The following KCNIP4 variants were observed in gnomAD, a reference collection of about 807,000 sequenced individuals.
KCNIP4 encodes the protein Kv channel-interacting protein 4.
Under a neutral mutation model 34.0 loss-of-function variants are expected in KCNIP4, and 12 were observed. That is an observed-to-expected ratio of 0.35 (90% confidence interval 0.23 to 0.57). The LOEUF is 0.57. Among genes scored for constraint, KCNIP4 ranks in the 20% least tolerant of loss-of-function variants. The pLI is 0.83. For synonymous variants in KCNIP4, 124 were observed against 102.2 expected, an observed-to-expected ratio of 1.21 and a Z score of -1.29; for missense variants, 238 against 311.7, an observed-to-expected ratio of 0.76 and a Z score of 1.78.
chr4:21,560,331 A>G (rs1310626103), intron 1 of KCNIP4, among the ~76,000 whole-genome samples: 1 of 151,848 alleles, frequency 6.6e-6, no homozygotes, highest in Non-Finnish European at 1.5e-5. Context: ...AAGGCCTTTG[A>G]AGCAAATGGA....
chr4:21,319,173 G>T (rs902869415), intron 1 of KCNIP4, among the ~76,000 whole-genome samples: 2 of 152,162 alleles, frequency 1.3e-5, no homozygotes, highest in African/African-American at 2.4e-5. Context: ...TAAATCTAAA[G>T]GGAGCCAAGA....
At chr4:21,567,354 T>A (rs1298409844) in intron 1 of KCNIP4, among the ~76,000 whole-genome samples, 1 of 152,064 alleles carries the variant, frequency 6.6e-6, no homozygotes, top group Non-Finnish European at 1.5e-5. Flanking sequence ...GGCTGATGTA[T>A]CTGAGGACCT....
intron 1 of KCNIP4, among the ~76,000 whole-genome samples, chr4:21,537,012 A>G (rs1737232574): frequency 6.6e-6 from 1 of 152,160 alleles, no homozygotes; most frequent in Non-Finnish European, 1.5e-5. Flanking sequence ...CCAGTGGCAG[A>G]AAACAACTAT....
chr4:20,734,723 C>T lies in KCNIP4; in HGVS notation c.442G>A (p.Gly148Ser). The T allele has an allele frequency of 6.4e-7, 1 of 1,560,888 alleles. No homozygotes were observed. The highest frequency in any genetic ancestry group is 8.7e-7 in the Non-Finnish European group (1 of 1,153,776). ...GAVSFEDFIK[G>S]LSILLRGTVQ... ...GTCCCCCGGAGCAAAATGGAAAGAC[C>T]TTTGATGAAATCCTGAAAAGAAATA... is the stretch of plus-strand genomic sequence containing the variant. The change falls in exon 6 of 9, where the codon GGT becomes AGT. Residue 148 changes from glycine (G) to serine (S), a missense_variant. Coordinates refer to ENST00000382152, the MANE Select transcript of KCNIP4 (RefSeq NM_025221.6).
intron 1 of KCNIP4, among the ~76,000 whole-genome samples, chr4:21,674,198 A>G (rs1039153264): frequency 1.1e-4 from 17 of 152,164 alleles, no homozygotes; most frequent in Non-Finnish European, 2.2e-4. Flanking sequence ...TTTTTCTTAG[A>G]GTAATAACCA....
chr4:21,633,079 C>T (rs373152561), intron 1 of KCNIP4, among the ~76,000 whole-genome samples: 5 of 152,132 alleles, frequency 3.3e-5, no homozygotes, highest in African/African-American at 1.2e-4. Flanking sequence ...CAAATTTATA[C>T]CTATCTACTC....
At chr4:20,803,815 T>C (rs990813905) in intron 3 of KCNIP4, among the ~76,000 whole-genome samples, 2 of 151,844 alleles carry the variant, frequency 1.3e-5, no homozygotes, top group Non-Finnish European at 2.9e-5. Flanking sequence ...ATCGAGAATA[T>C]ATTTTTGAAA....
At chr4:21,549,289 G>A (rs1269550453) in intron 1 of KCNIP4, among the ~76,000 whole-genome samples, 1 of 151,914 alleles carries the variant, frequency 6.6e-6, no homozygotes, top group Non-Finnish European at 1.5e-5. Context: ...TTGGATGCTT[G>A]TCCCCTCCAA....
At chr4:21,107,456 A>G (rs1748673349) in intron 1 of KCNIP4, among the ~76,000 whole-genome samples, 2 of 150,954 alleles carry the variant, frequency 1.3e-5, no homozygotes, top group Admixed American at 1.3e-4. Context: ...TGCTCGGTAG[A>G]TTTTCCTCCA....
At chr4:21,674,259 G>A (rs144505642) in intron 1 of KCNIP4, among the ~76,000 whole-genome samples, 1 of 152,270 alleles carries the variant, frequency 6.6e-6, no homozygotes, top group African/African-American at 2.4e-5. Flanking sequence ...GATCAGGCAA[G>A]ATTGTGGTGT....
chr4:21,710,009 G>T (rs1306735731), intron 1 of KCNIP4, among the ~76,000 whole-genome samples: 5 of 152,116 alleles, frequency 3.3e-5, no homozygotes, highest in African/African-American at 9.7e-5. Flanking sequence ...TGGATAGGAG[G>T]GCCCACATTG....
intron 3 of KCNIP4, 78 bp downstream of exon 3, chr4:20,850,465 A>G (rs1720889101): frequency 6.8e-7 from 1 of 1,471,722 alleles, no homozygotes; most frequent in Non-Finnish European, 9.4e-7. Context: ...AGAATGGGAT[A>G]TTTTCCCCCT....
rs114135318 is a variant in KCNIP4 at position 21,330,164 on chromosome 4, C to T, written c.62-447455G>A. ...GCAGTAGTGTTCAAAAGCAAGTCTA[C>T]TTTTTCAAAAGTAATCATAATTGCA... On this transcript the variant is annotated intron_variant, in intron 1 of 8. Coordinates refer to ENST00000382152, the MANE Select transcript of KCNIP4 (RefSeq NM_025221.6). Among the ~76,000 whole-genome samples the T allele has an allele frequency of 3.0e-3, 462 of 152,212 alleles. 5 individuals are homozygous for T. The highest frequency in any genetic ancestry group is 0.011 in the African/African-American group (440 of 41,544).
rs1051729667 is a variant in KCNIP4, at chr4:21,015,385, A to G, written c.62-132676T>C. ...TTTTTTTCTTCTCACAATTCCTTAT[A>G]ACTAATATTGGTTATATATATAACC... is the stretch of plus-strand genomic sequence containing the variant. On this transcript the variant is annotated intron_variant, in intron 1 of 8. Transcript: ENST00000382152. Among the ~76,000 whole-genome samples, 6 of 141,714 alleles carry G rather than the reference A, an allele frequency of 4.2e-5. No homozygotes were observed. The South Asian group carries it at 1.3e-3, about 32-fold the overall frequency. 93.0% of individuals were successfully genotyped at this position (141,714 alleles called of 152,430 possible).
rs189058272 is a variant in KCNIP4, at chr4:21,653,747, A to T, written c.61+294824T>A. 2.0e-5 allele frequency among the ~76,000 whole-genome samples: 3 copies of T among 152,328 alleles called. No homozygotes were observed. In the East Asian group the frequency reaches 5.8e-4, roughly 29 times the overall value. On this transcript the variant is annotated intron_variant, in intron 1 of 8. Transcript: ENST00000382152. The stretch of plus-strand genomic sequence containing the variant: ...ACAACATTCAAAGATCGTAGGAAGT[A>T]TTATTATAAGCACAGTAAAGGATTA...
chr4:20,995,386 A>G (rs1294889717), intron 1 of KCNIP4, among the ~76,000 whole-genome samples: 1 of 152,218 alleles, frequency 6.6e-6, no homozygotes, highest in Admixed American at 6.5e-5. Flanking sequence ...TGCAGGCACA[A>G]AGCAAACACT....
chr4:21,420,903 A>AT (rs1251234655), intron 1 of KCNIP4, among the ~76,000 whole-genome samples: 4 of 152,214 alleles, frequency 2.6e-5, no homozygotes, highest in African/African-American at 9.6e-5. Context: ...ATAAGGGGTT[A>AT]ATATCACAAA....
intron 2 of KCNIP4, among the ~76,000 whole-genome samples, chr4:20,851,935 A>T (rs1721074530): frequency 6.6e-6 from 1 of 152,156 alleles, no homozygotes; most frequent in African/African-American, 2.4e-5. Flanking sequence ...GGACTGCTTG[A>T]GCCCAGGAGG....
At chr4:21,814,160 C>T (rs1024672870) in intron 1 of KCNIP4, among the ~76,000 whole-genome samples, 1 of 152,108 alleles carries the variant, frequency 6.6e-6, no homozygotes, top group Non-Finnish European at 1.5e-5. Flanking sequence ...TTATAATTCA[C>T]ATATTTCTAA....
Sources: allele counts gnomAD v4.1 joint callset (sites outside exome capture counted in the v4.1 genomes callset), GRCh38; gene constraint gnomAD v4.1.1; transcripts MANE v1.5; gene names NCBI Gene and HGNC (gene_info 2026-07-23, HGNC 2026-07-21).